MAN1A1: variants seen among roughly 807,000 people sequenced by gnomAD.
MAN1A1 encodes mannosyl-oligosaccharide 1,2-alpha-mannosidase IA.
Under a neutral mutation model 70.8 loss-of-function variants are expected in MAN1A1, and 29 were observed. That is an observed-to-expected ratio of 0.41 (90% CI 0.31 to 0.56). The LOEUF is 0.56. MAN1A1 is among the 20% of genes least tolerant of loss of function. MAN1A1 has a pLI of 0.29. For missense variants in MAN1A1, 747 were observed against 841.3 expected, an observed-to-expected ratio of 0.89 and a Z score of 1.39; for synonymous variants, 349 against 330.1, an observed-to-expected ratio of 1.06 and a Z score of -0.62.
rs918086753 is a variant in MAN1A1 at position 119,317,144 on chromosome 6, A to G, written c.604-10152T>C. On this transcript the variant is annotated intron_variant, in intron 2 of 12. Transcript: ENST00000368468. Reference sequence around the variant, plus strand: ...ACTGAGTGGAAAGTACAAAGTTCCTATATATCCTCTGTACCCCAAAGGCAC... The same window carrying G: ...ACTGAGTGGAAAGTACAAAGTTCCTGTATATCCTCTGTACCCCAAAGGCAC... 4.6e-5 allele frequency among the ~76,000 whole-genome samples: 7 copies of G among 152,148 alleles called. No individual in the cohort carries two copies. In the East Asian group the frequency reaches 1.2e-3, roughly 25 times the overall value.
intron 2 of MAN1A1, among the ~76,000 whole-genome samples, chr6:119,313,975 TA>T (rs1315503858): frequency 3.8e-4 from 56 of 147,030 alleles, no homozygotes; most frequent in Middle Eastern, 3.6e-3. Context: ...GGCTAAGGGT[TA>T]AAAAAAAAAA....
rs926250632 is a variant in MAN1A1 at position 119,179,113 on chromosome 6, G to A, written c.*706C>T. The A allele has an allele frequency of 1.3e-5, 2 of 152,082 alleles. No homozygotes were observed. The highest frequency in any genetic ancestry group is 4.8e-5 in the African/African-American group (2 of 41,414). 9.4% of individuals were successfully genotyped at this position (152,082 alleles called of 1,614,324 possible). A position where few individuals can be genotyped will look rare whatever the true frequency, so the allele number is the denominator to read the frequency against. Reference sequence around the variant, plus strand: ...ATTAACTAGTATATAATCCAGAAATGACACAGGGCATTTAAAGTAAAATTA... The same window carrying A: ...ATTAACTAGTATATAATCCAGAAATAACACAGGGCATTTAAAGTAAAATTA... On this transcript the variant is annotated 3_prime_UTR_variant, in exon 13 of 13. Coordinates refer to ENST00000368468, the MANE Select transcript of MAN1A1 (RefSeq NM_005907.4).
chr6:119,213,281 T>C (rs1300439548), intron 6 of MAN1A1, among the ~76,000 whole-genome samples: 1 of 152,202 alleles, frequency 6.6e-6, no homozygotes, highest in Non-Finnish European at 1.5e-5. Context: ...CTCAAACAGA[T>C]GCTGAAGAAT....
intron 11 of MAN1A1, among the ~76,000 whole-genome samples, chr6:119,187,580 A>G (rs1435486528): frequency 6.6e-6 from 1 of 152,256 alleles, no homozygotes; most frequent in African/African-American, 2.4e-5. Flanking sequence ...TATTCATTTT[A>G]GATTTCCTGA....
intron 2 of MAN1A1, among the ~76,000 whole-genome samples, chr6:119,309,427 A>C (rs2114454946): frequency 6.6e-6 from 1 of 152,322 alleles, no homozygotes; most frequent in African/African-American, 2.4e-5. Context: ...GATGAGGATA[A>C]AGTCATTTAA....
chr6:119,334,317 C>T (rs1773397626), intron 2 of MAN1A1, among the ~76,000 whole-genome samples: 2 of 152,070 alleles, frequency 1.3e-5, no homozygotes, highest in Non-Finnish European at 1.5e-5. Context: ...AATATCTTTC[C>T]TTTTATTAGT....
At position 119,310,929 on chromosome 6, in the gene MAN1A1, A is replaced by C. The variant is rs377461884; in HGVS notation, c.604-3937T>G. ...GCTGAGACTGTTTGTTTACTTCCCT[A>C]TGTGTACTTGTAGAAAAGCTTCTCA... is the stretch of plus-strand genomic sequence containing the variant. On this transcript the variant is annotated intron_variant, in intron 2 of 12. Coordinates refer to ENST00000368468, the MANE Select transcript of MAN1A1 (RefSeq NM_005907.4). Among the ~76,000 whole-genome samples, 30 of 152,264 alleles carry C rather than the reference A, an allele frequency of 2.0e-4. No homozygotes were observed. In the East Asian group the frequency reaches 3.1e-3, roughly 16 times the overall value.
chr6:119,288,262 A>G (rs1253452740), intron 5 of MAN1A1, among the ~76,000 whole-genome samples: 1 of 151,944 alleles, frequency 6.6e-6, no homozygotes, highest in Non-Finnish European at 1.5e-5. Flanking sequence ...AATACTCCTG[A>G]GCCTCAGTGA....
Position 119,179,807 on chromosome 6 carries a change from T to C in MAN1A1, c.*12A>G, listed in dbSNP as rs753673216. On this transcript the variant is annotated 3_prime_UTR_variant, in exon 13 of 13. Transcript: ENST00000368468. ...GAAGGGAATGGAGCAGAATAAAATA[T>C]AAAATGTCTTTTTATTCCTCTCTGA... is the stretch of plus-strand genomic sequence containing the variant. The C allele has an allele frequency of 3.1e-6, 5 of 1,608,188 alleles. No individual in the cohort carries two copies. Among genetic ancestry groups the C allele is most frequent in the Non-Finnish European group, 4.3e-6 (5 of 1,174,996 alleles).
At position 119,198,117 on chromosome 6, in the gene MAN1A1, C is replaced by T. The variant is rs116464730; in HGVS notation, c.1210+3137G>A. The stretch of plus-strand genomic sequence containing the variant: ...TAGAAAAATATACAAGGGCCAGGAG[C>T]GTGGCTCACGCCTGTAATTCCAGCA... On this transcript the variant is annotated intron_variant, in intron 8 of 12. Transcript: ENST00000368468. 2.8e-3 allele frequency among the ~76,000 whole-genome samples: 426 copies of T among 152,280 alleles called. 4 individuals carry two copies. Among genetic ancestry groups the T allele is most frequent in the African/African-American group, 9.4e-3 (390 of 41,558 alleles).
At chr6:119,241,361 G>A (rs993912281) in intron 6 of MAN1A1, among the ~76,000 whole-genome samples, 1 of 152,126 alleles carries the variant, frequency 6.6e-6, no homozygotes, top group African/African-American at 2.4e-5. Flanking sequence ...CTCACTGAAC[G>A]GCTCTGAGAT....
At chr6:119,261,152 T>A (rs1415341814) in intron 5 of MAN1A1, among the ~76,000 whole-genome samples, 4 of 151,906 alleles carry the variant, frequency 2.6e-5, no homozygotes, top group African/African-American at 9.7e-5. Context: ...CTAATTTTTT[T>A]GTATTTTTAG....
At chr6:119,248,421 C>A in intron 5 of MAN1A1, 67 bp from the exon 6 acceptor site, 9 of 791,386 alleles carry the variant, frequency 1.1e-5, no homozygotes, top group Non-Finnish European at 2.0e-5. Context: ...ATACTATTAT[C>A]TAATAGTTAC....
intron 5 of MAN1A1, among the ~76,000 whole-genome samples, chr6:119,262,863 T>C (rs968326663): frequency 3.9e-5 from 6 of 152,218 alleles, no homozygotes; most frequent in African/African-American, 1.4e-4. Context: ...GGATACAAAG[T>C]ATAAATCCTG....
chr6:119,241,209 T>C lies in MAN1A1; in HGVS notation c.992+7051A>G, dbSNP rs117377370. Among the ~76,000 whole-genome samples, 292 of 152,306 alleles carry C rather than the reference T, an allele frequency of 1.9e-3. 2 individuals are homozygous for C. The highest frequency in any genetic ancestry group is 6.8e-3 in the Middle Eastern group (2 of 294). ...CAAACTCTGTTTGGGTAATTACTGC[T>C]TGGAATTGGCTGCTTTCCAGAAGAA... On this transcript the variant is annotated intron_variant, in intron 6 of 12. Coordinates refer to ENST00000368468, the MANE Select transcript of MAN1A1 (RefSeq NM_005907.4).
chr6:119,203,754 G>A (rs372689960), intron 7 of MAN1A1, among the ~76,000 whole-genome samples: 5 of 152,152 alleles, frequency 3.3e-5, no homozygotes. Context: ...GGAGAAGCAC[G>A]TCTAGGCGTT....
chr6:119,251,334 T>C lies in MAN1A1; in HGVS notation c.898-2980A>G, dbSNP rs149189896. Among the ~76,000 whole-genome samples the C allele has an allele frequency of 1.1e-4, 16 of 152,342 alleles. No homozygotes were observed. In the East Asian group the frequency reaches 2.9e-3, roughly 28 times the overall value. On this transcript the variant is annotated intron_variant, in intron 5 of 12. Coordinates refer to ENST00000368468, the MANE Select transcript of MAN1A1 (RefSeq NM_005907.4). ...CTATGAATCAGACCCTTCAATTATT[T>C]TCTGTCCATCTGGCTCTGGCTCCAG... is the stretch of plus-strand genomic sequence containing the variant.
chr6:119,332,793 A>AG (rs1428866748), intron 2 of MAN1A1, among the ~76,000 whole-genome samples: 1 of 151,300 alleles, frequency 6.6e-6, no homozygotes, highest in Admixed American at 6.6e-5. Context: ...CTCAAGAAAA[A>AG]AAAAAAAAAG....
At chr6:119,282,119 C>T (rs1179012891) in intron 5 of MAN1A1, among the ~76,000 whole-genome samples, 1 of 152,064 alleles carries the variant, frequency 6.6e-6, no homozygotes, top group African/African-American at 2.4e-5. Context: ...CTGACTTTCC[C>T]TTTCCGTTAG....
Sources: allele counts gnomAD v4.1 joint callset (sites outside exome capture counted in the v4.1 genomes callset), GRCh38; gene constraint gnomAD v4.1.1; transcripts MANE v1.5; gene names NCBI Gene and HGNC (gene_info 2026-07-23, HGNC 2026-07-21).